FOXJ3: variants seen among roughly 807,000 people sequenced by gnomAD.
FOXJ3 encodes forkhead box J3.
In FOXJ3, 22 loss-of-function variants were observed where a neutral mutation model predicts 76.1. The observed-to-expected ratio is 0.29, with a 90% CI of 0.21 to 0.41. The LOEUF (loss-of-function observed/expected upper bound fraction) is 0.41. Ranked by LOEUF, FOXJ3 falls within the 10% of genes least tolerant of loss-of-function variation. The probability of loss-of-function intolerance (pLI) is 1.00; values close to 1 mark genes in which losing one functional copy is unlikely to be tolerated. For synonymous variants in FOXJ3, 269 were observed against 261.2 expected (o/e 1.03, Z -0.29); for missense variants, 613 against 762.1 (o/e 0.80, Z 2.30).
chr1:42,288,707 T>C (rs1653221743), intron 2 of FOXJ3, among the ~76,000 whole-genome samples: 1 of 152,232 alleles, frequency 6.6e-6, no homozygotes, highest in Non-Finnish European at 1.5e-5. Flanking sequence ...TTTTCACTCT[T>C]ATCCTCTCAT....
chr1:42,292,134 A>T (rs1357243385), intron 2 of FOXJ3, among the ~76,000 whole-genome samples: 1 of 152,202 alleles, frequency 6.6e-6, no homozygotes, highest in Non-Finnish European at 1.5e-5. Flanking sequence ...AAGGATTCAT[A>T]AGAAAAGATG....
In FOXJ3 at chr1:42,265,105, T is replaced by C. The variant is rs1311502576; in HGVS notation, c.444+10A>G. The stretch of plus-strand genomic sequence containing the variant: ...GAAGAATTCAACTGTTTTAAGAAGA[T>C]GAATCCTACCTTTCCAGGGTCATCC... On this transcript the variant is annotated intron_variant, in intron 4 of 12. Coordinates refer to ENST00000361346, the MANE Select transcript of FOXJ3 (RefSeq NM_014947.5). 2.0e-6 allele frequency: 3 copies of C among 1,521,170 alleles called. No homozygotes were observed. The highest frequency in any genetic ancestry group is 1.7e-5 in the Admixed American group (1 of 59,536). 94.2% of individuals were successfully genotyped at this position (1,521,170 alleles called of 1,614,324 possible). A position where few individuals can be genotyped will look rare whatever the true frequency, so the allele number is the denominator to read the frequency against.
intron 4 of FOXJ3, among the ~76,000 whole-genome samples, chr1:42,249,977 C>T (rs751593718): frequency 6.6e-6 from 1 of 151,992 alleles, no homozygotes; most frequent in South Asian, 2.1e-4. Context: ...TTTTAGATAC[C>T]GTGTATCATA....
chr1:42,207,688 T>C (rs532265893), intron 5 of FOXJ3, among the ~76,000 whole-genome samples: 1 of 152,282 alleles, frequency 6.6e-6, no homozygotes, highest in South Asian at 2.1e-4. Context: ...CCAAGACACA[T>C]TTTTGAAATT....
intron 4 of FOXJ3, among the ~76,000 whole-genome samples, chr1:42,237,541 T>C (rs942348303): frequency 5.3e-5 from 8 of 150,694 alleles, no homozygotes; most frequent in African/African-American, 1.9e-4. Context: ...ACGAGTCATT[T>C]CTATGTGAAT....
chr1:42,189,464 G>C (rs749010619), intron 9 of FOXJ3, 60 bp from the exon 10 acceptor site: 12 of 1,184,736 alleles, frequency 1.0e-5, no homozygotes, highest in South Asian at 8.9e-5. Context: ...TGTGGTAAGG[G>C]AAAACGATGA....
chr1:42,226,622 T>G (rs907426352), intron 5 of FOXJ3, among the ~76,000 whole-genome samples: 2 of 151,914 alleles, frequency 1.3e-5, no homozygotes, highest in Non-Finnish European at 2.9e-5. Context: ...AAAAAAAAAT[T>G]TTGTCTAGCT....
At chr1:42,230,044 G>A (rs879384172) in intron 4 of FOXJ3, among the ~76,000 whole-genome samples, 1 of 152,114 alleles carries the variant, frequency 6.6e-6, no homozygotes, top group Non-Finnish European at 1.5e-5. Flanking sequence ...CACAAAATAC[G>A]AATGGTTGTG....
At chr1:42,191,279 A>G in intron 9 of FOXJ3, 24 bp downstream of exon 9, 1 of 1,520,874 alleles carries the variant, frequency 6.6e-7, no homozygotes, top group Middle Eastern at 1.8e-4. Flanking sequence ...TTAGCCAAAC[A>G]CAAACCAGGA....
chr1:42,197,579 C>T (rs747981091), intron 7 of FOXJ3, among the ~76,000 whole-genome samples: 3 of 151,908 alleles, frequency 2.0e-5, no homozygotes, highest in African/African-American at 4.8e-5. Flanking sequence ...GTAATATTTG[C>T]ATATAACCTA....
intron 2 of FOXJ3, among the ~76,000 whole-genome samples, chr1:42,284,896 A>T (rs1339661283): frequency 1.3e-5 from 2 of 152,220 alleles, no homozygotes; most frequent in South Asian, 2.1e-4. Context: ...AATCACAAAT[A>T]TAACCAATGA....
At chr1:42,288,779 C>CAG (rs10640329) in intron 2 of FOXJ3, among the ~76,000 whole-genome samples, 111,148 of 151,880 alleles carry the variant, frequency 0.73, 40,869 homozygotes, top group Admixed American at 0.81. Flanking sequence ...AGATTTAATG[C>CAG]AGAGAGAGAT....
At chr1:42,326,882 T>C (rs1423619117) in intron 1 of FOXJ3, among the ~76,000 whole-genome samples, 3 of 152,190 alleles carry the variant, frequency 2.0e-5, no homozygotes, top group Non-Finnish European at 4.4e-5. Context: ...AGTTTCATAC[T>C]AAGAGTAAGA....
chr1:42,334,102 CA>C, intron 1 of FOXJ3: 1 of 964,110 alleles, frequency 1.0e-6, no homozygotes, highest in Non-Finnish European at 1.2e-6. Flanking sequence ...ACCAGACACA[CA>C]AAAAGTAAAA....
intron 9 of FOXJ3, 34 bp from the exon 10 acceptor site, chr1:42,189,438 T>G: frequency 6.8e-7 from 1 of 1,460,738 alleles, no homozygotes; most frequent in Non-Finnish European, 9.6e-7. Context: ...AATTCCTGGA[T>G]GGTGAAAGGG....
At chr1:42,325,762 TG>T (rs1570264638) in intron 1 of FOXJ3, among the ~76,000 whole-genome samples, 1 of 152,228 alleles carries the variant, frequency 6.6e-6, no homozygotes, top group East Asian at 1.9e-4. Context: ...CTTAAGGTCT[TG>T]GTTGCTTCCA....
intron 1 of FOXJ3, chr1:42,315,378 G>A (rs1274057813): frequency 2.0e-6 from 2 of 978,308 alleles, no homozygotes; most frequent in South Asian, 4.7e-5. Flanking sequence ...TAAAGGTACT[G>A]TCTTGCTTCT....
chr1:42,280,405 T>G (rs1394001747), intron 2 of FOXJ3: 2 of 592,356 alleles, frequency 3.4e-6, no homozygotes, highest in Non-Finnish European at 4.1e-6. Flanking sequence ...AACCTGAACT[T>G]TAAATTCATC....
rs1646254768 is a variant in FOXJ3 at position 42,178,440 on chromosome 1, A to G, written c.*1270T>C. Reference sequence around the variant, plus strand: ...CACATGGTAAAAGGAGTGATGATAGAGAATGACACAATGTCTCTCTGAGTG... The same window carrying G: ...CACATGGTAAAAGGAGTGATGATAGGGAATGACACAATGTCTCTCTGAGTG... On this transcript the variant is annotated 3_prime_UTR_variant, in exon 13 of 13. Coordinates refer to ENST00000361346, the MANE Select transcript of FOXJ3 (RefSeq NM_014947.5). 6.6e-6 allele frequency: 1 copy of G among 152,268 alleles called. No homozygotes were observed. Among genetic ancestry groups the G allele is most frequent in the Non-Finnish European group, 1.5e-5 (1 of 68,044 alleles). The allele number at this position is 152,268 out of a possible 1,614,324, so 9.4% of individuals were successfully genotyped here.
Sources: allele counts gnomAD v4.1 joint callset (sites outside exome capture counted in the v4.1 genomes callset), GRCh38; gene constraint gnomAD v4.1.1; transcripts MANE v1.5; gene names NCBI Gene and HGNC (gene_info 2026-07-23, HGNC 2026-07-21).